Variants in MGST1 observed in about 807,000 individuals in gnomAD.
MGST1 encodes the protein glutathione S-transferase 12.
Under a neutral mutation model 8.9 loss-of-function variants are expected in MGST1, and 5 were observed. The ratio of observed to expected loss-of-function variants is 0.56; its 90% CI spans 0.29 to 1.19. MGST1 has a LOEUF of 1.19. Ranked by LOEUF, MGST1 falls within the 50% of genes most tolerant of loss-of-function variation. The pLI is 0.08. For synonymous variants in MGST1, 54 were observed against 67.8 expected (o/e 0.80, Z 1.00); for missense variants, 182 against 187.4 (o/e 0.97, Z 0.17).
chr12:16,400,115 T>C (rs911732421), intron 1 of MGST1: 1 of 1,553,784 alleles, frequency 6.4e-7, no homozygotes, highest in Non-Finnish European at 8.9e-7. Flanking sequence ...TTGTGCCTCA[T>C]TTCTCGTTCC....
chr12:16,392,289 T>A (rs192820064), intron 1 of MGST1, among the ~76,000 whole-genome samples: 1 of 152,226 alleles, frequency 6.6e-6, no homozygotes, highest in Non-Finnish European at 1.5e-5. Flanking sequence ...TGACGATGAT[T>A]GTGTAATTTG....
chr12:16,586,465 T>C lies in MGST1; in HGVS notation n.483-3063T>C, dbSNP rs1346923519. 2.0e-5 allele frequency among the ~76,000 whole-genome samples: 3 copies of C among 152,204 alleles called. No individual in the cohort carries two copies. Among genetic ancestry groups the C allele is most frequent in the African/African-American group, 4.8e-5 (2 of 41,462 alleles). On this transcript the variant is annotated intron_variant and non_coding_transcript_variant, in intron 4 of 4. Transcript: ENST00000538857. This position sits in a 1 kb window ranked among gnomAD's most constrained non-coding sequence, Gnocchi z 4.3. ...GCTGAGTCACAGAGGCCCTGGACAA[T>C]GTGTCTGGACAAATCTCACGCTAAG...
downstream of MGST1, among the ~76,000 whole-genome samples, chr12:16,592,000 GT>G (rs1452084660): frequency 6.6e-6 from 1 of 151,998 alleles, no homozygotes; most frequent in Admixed American, 6.6e-5. This position sits in a 1 kb window ranked among gnomAD's most constrained non-coding sequence, Gnocchi z 4.1. Context: ...TAGTGACTAT[GT>G]TTATCAGGTG....
At chr12:16,583,163 T>TCC (rs1183391430) in intron 4 of MGST1, among the ~76,000 whole-genome samples, 1 of 151,946 alleles carries the variant, frequency 6.6e-6, no homozygotes, top group East Asian at 1.9e-4. Flanking sequence ...TGTAAGATGA[T>TCC]CCCGGATAAA....
downstream of MGST1, among the ~76,000 whole-genome samples, chr12:16,440,246 TACACAC>T (rs55778046): frequency 8.7e-5 from 13 of 148,946 alleles, no homozygotes; most frequent in East Asian, 2.0e-4. Context: ...AATGTGTGTG[TACACAC>T]ACACACACAC....
rs761974230 is a variant in MGST1 at position 16,560,487 on chromosome 12, G to A, written n.483-29041G>A. On this transcript the variant is annotated intron_variant and non_coding_transcript_variant, in intron 4 of 4. Coordinates refer to the MGST1 transcript ENST00000538857. The surrounding 1 kb of genome is among the most constrained non-coding windows in gnomAD (Gnocchi z 5.0). The stretch of plus-strand genomic sequence containing the variant: ...CCTTGGCACGCATCACCATCTCAAA[G>A]GCAGGGATGAGCTTACTACAGGCAG... 2.1e-5 allele frequency: 34 copies of A among 1,613,804 alleles called. No homozygotes were observed. The highest frequency in any genetic ancestry group is 3.4e-6 in the Non-Finnish European group (4 of 1,179,918).
chr12:16,463,791 T>G lies in MGST1; in HGVS notation n.482+80187T>G, dbSNP rs1941236831. ...GGCACAAGACATTCACTAATAAGCC[T>G]GTTTTGTTGTCTAAGTACAGCTCAT... is the stretch of plus-strand genomic sequence containing the variant. On this transcript the variant is annotated intron_variant and non_coding_transcript_variant, in intron 4 of 4. Transcript: ENST00000538857. 2.6e-5 allele frequency among the ~76,000 whole-genome samples: 4 copies of G among 152,198 alleles called. No homozygotes were observed. The South Asian group carries it at 8.3e-4, about 31-fold the overall frequency.
chr12:16,426,717 C>A (rs530956235), intron 1 of MGST1, among the ~76,000 whole-genome samples: 1 of 151,970 alleles, frequency 6.6e-6, no homozygotes, highest in African/African-American at 2.4e-5. Flanking sequence ...TTTGGGAGGC[C>A]GAGGCGGGCG....
intron 4 of MGST1, among the ~76,000 whole-genome samples, chr12:16,467,951 AAG>A (rs1307793737): frequency 6.6e-6 from 1 of 152,198 alleles, no homozygotes; most frequent in Non-Finnish European, 1.5e-5. Flanking sequence ...GGTCTTTTAA[AAG>A]AGGCCTCAGG....
intron 3 of MGST1, among the ~76,000 whole-genome samples, chr12:16,371,833 C>G (rs1329492818): frequency 3.9e-5 from 6 of 152,046 alleles, no homozygotes; most frequent in Non-Finnish European, 7.4e-5. Flanking sequence ...GGCATAAAAA[C>G]AGACACATAG....
chr12:16,420,498 C>T (rs1452306885), intron 1 of MGST1, among the ~76,000 whole-genome samples: 2 of 152,116 alleles, frequency 1.3e-5, no homozygotes, highest in East Asian at 3.9e-4. Context: ...GTGGAGGTTT[C>T]CATGCAGGAG....
At chr12:16,526,742 T>C (rs1941688843) in intron 4 of MGST1, among the ~76,000 whole-genome samples, 1 of 151,980 alleles carries the variant, frequency 6.6e-6, no homozygotes, top group African/African-American at 2.4e-5. Flanking sequence ...AGATAAATCC[T>C]AAAATTGGTT....
chr12:16,351,938 G>T (rs1214074036), intron 1 of MGST1, among the ~76,000 whole-genome samples: 1 of 152,160 alleles, frequency 6.6e-6, no homozygotes, highest in Non-Finnish European at 1.5e-5. Flanking sequence ...AGATATAAGG[G>T]GTGCCTACTT....
intron 4 of MGST1, among the ~76,000 whole-genome samples, chr12:16,530,184 A>G (rs1941713341): frequency 6.6e-6 from 1 of 152,166 alleles, no homozygotes. Flanking sequence ...TGATGTTTTT[A>G]TACTTCATCT....
At chr12:16,423,348 T>C (rs187867108) in intron 1 of MGST1, among the ~76,000 whole-genome samples, 2 of 152,186 alleles carry the variant, frequency 1.3e-5, no homozygotes, top group Non-Finnish European at 2.9e-5. Flanking sequence ...AGATTAGACA[T>C]GAAGATAGGT....
At chr12:16,530,353 C>A (rs555117232) in intron 4 of MGST1, among the ~76,000 whole-genome samples, 2 of 152,148 alleles carry the variant, frequency 1.3e-5, no homozygotes, top group African/African-American at 4.8e-5. Flanking sequence ...ATTCTTCCAA[C>A]CTTTGCACAC....
Position 16,362,347 on chromosome 12 carries a change from G to A in MGST1, c.222-1448G>A, listed in dbSNP as rs1348626600. Among the ~76,000 whole-genome samples, 3 of 143,712 alleles carry A rather than the reference G, an allele frequency of 2.1e-5. No individual in the cohort carries two copies. The highest frequency in any genetic ancestry group is 4.5e-5 in the Non-Finnish European group (3 of 66,080). The allele number at this position is 143,712 out of a possible 152,430, so 94.3% of individuals were successfully genotyped here. ...TGAAGCCTTTTCAAATCATTACTTA[G>A]CTGGGCTGCTGCTGTCCTCTTCATG... On this transcript the variant is annotated intron_variant, in intron 3 of 3. Coordinates refer to ENST00000396210, the MANE Select transcript of MGST1 (RefSeq NM_020300.5). This position sits in a 1 kb window ranked among gnomAD's most constrained non-coding sequence, Gnocchi z 4.4.
chr12:16,535,204 C>T (rs1941748108), intron 4 of MGST1, among the ~76,000 whole-genome samples: 3 of 152,220 alleles, frequency 2.0e-5, no homozygotes, highest in Admixed American at 2.0e-4. Flanking sequence ...CACTCTTCAG[C>T]TTTACCAATT....
chr12:16,562,887 A>T (rs1048922589), intron 4 of MGST1, among the ~76,000 whole-genome samples: 5 of 152,234 alleles, frequency 3.3e-5, no homozygotes, highest in African/African-American at 1.2e-4. Context: ...AATGTGCACA[A>T]AACAGTTCTC....
Sources: gnomAD v4.1 joint callset for allele counts (sites outside exome capture counted in the v4.1 genomes callset) on GRCh38, gnomAD v4.1.1 for gene constraint, Gnocchi (gnomAD v3.1) non-coding constraint, MANE v1.5 for transcripts, NCBI Gene and HGNC (gene_info 2026-07-23, HGNC 2026-07-21) for gene names.